The following ESYT3 variants were observed in gnomAD, a reference collection of about 807,000 sequenced individuals.
ESYT3 encodes extended synaptotagmin 3, also known as extended synaptotagmin-3.
ESYT3 carries 101 observed loss-of-function variants against 111.5 expected under a neutral mutation model. The ratio of observed to expected loss-of-function variants is 0.91; its 90% CI spans 0.77 to 1.07. ESYT3 has a LOEUF of 1.07. Ranked by LOEUF, ESYT3 falls within the 50% of genes least tolerant of loss-of-function variation. ESYT3 has a pLI of 0.00. For synonymous variants in ESYT3, 416 were observed against 446.8 expected (o/e 0.93, Z 0.87); for missense variants, 1,097 against 1,109.4 (o/e 0.99, Z 0.16).
At chr3:138,469,972 C>A in intron 15 of ESYT3, 88 bp from the exon 16 acceptor site, 2 of 1,134,468 alleles carry the variant, frequency 1.8e-6, no homozygotes, top group South Asian at 1.4e-5. Context: ...CCCAATGGTA[C>A]CTGGTGGCCA....
At chr3:138,461,940 C>T in intron 7 of ESYT3, 146 bp from the exon 8 acceptor site, 1 of 1,142,988 alleles carries the variant, frequency 8.7e-7, no homozygotes, top group Non-Finnish European at 1.3e-6. Flanking sequence ...ACACCCACCC[C>T]TACCCAGGCA....
At chr3:138,466,176 A>T (rs150931130) in intron 10 of ESYT3, among the ~76,000 whole-genome samples, 241 of 152,282 alleles carry the variant, frequency 1.6e-3, no homozygotes, top group African/African-American at 5.4e-3. Context: ...AGGAACCTTG[A>T]ATGCGTATTT....
At chr3:138,449,848 C>G (rs1560217833) in intron 1 of ESYT3, among the ~76,000 whole-genome samples, 1 of 152,226 alleles carries the variant, frequency 6.6e-6, no homozygotes, top group African/African-American at 2.4e-5. Flanking sequence ...ATGCTTCATT[C>G]ATTCATTCCA....
At chr3:138,460,293 A>C (rs1216053319) in intron 6 of ESYT3, among the ~76,000 whole-genome samples, 2 of 152,222 alleles carry the variant, frequency 1.3e-5, no homozygotes, top group Non-Finnish European at 2.9e-5. Flanking sequence ...AGAGCTTTCA[A>C]AGTCCAGGCC....
intron 1 of ESYT3, among the ~76,000 whole-genome samples, chr3:138,438,417 C>G (rs1401658056): frequency 1.3e-5 from 2 of 152,154 alleles, no homozygotes; most frequent in African/African-American, 4.8e-5. Context: ...TGCTGCTTGT[C>G]AAGCTGTATG....
In ESYT3 at chr3:138,435,936, A is replaced by T. The variant is rs1466666795; in HGVS notation, c.327+811A>T. The stretch of plus-strand genomic sequence containing the variant: ...CCGTCCAATGGTTGGTCTGCGGCAA[A>T]CCCTTACTGTCTCTCCGGTGCTGGG... On this transcript the variant is annotated intron_variant, in intron 1 of 22. Coordinates refer to ENST00000389567, the MANE Select transcript of ESYT3 (RefSeq NM_031913.5). This position sits in a 1 kb window ranked among gnomAD's most constrained non-coding sequence, Gnocchi z 4.8. Among the ~76,000 whole-genome samples, 2 of 151,820 alleles carry T rather than the reference A, an allele frequency of 1.3e-5. No homozygotes were observed. Among genetic ancestry groups the T allele is most frequent in the African/African-American group, 4.8e-5 (2 of 41,312 alleles).
At chr3:138,441,730 AT>A (rs1204252261) in intron 1 of ESYT3, among the ~76,000 whole-genome samples, 1 of 151,864 alleles carries the variant, frequency 6.6e-6, no homozygotes, top group East Asian at 1.9e-4. Flanking sequence ...GAGGCAAGTG[AT>A]TTCCTTTTCC....
In ESYT3 at chr3:138,464,342, C is replaced by T; in HGVS notation, c.916-3C>T. 1.9e-6 allele frequency: 3 copies of T among 1,613,800 alleles called. No individual in the cohort carries two copies. Among genetic ancestry groups the T allele is most frequent in the Non-Finnish European group, 1.7e-6 (2 of 1,179,830 alleles). On this transcript the variant is annotated splice_region_variant and splice_polypyrimidine_tract_variant and intron_variant, in intron 8 of 22. Transcript: ENST00000389567. ...GTGAGCCCTGGGCTTGGACATTTTC[C>T]AGGGGGTGATCAGAGTGCACTTGCT... is the stretch of plus-strand genomic sequence containing the variant.
chr3:138,474,501 G>C (rs78238293), intron 20 of ESYT3, 149 bp downstream of exon 20: 1 of 836,476 alleles, frequency 1.2e-6, no homozygotes. Flanking sequence ...GCTTCTGTAC[G>C]TTAGTGGGGA....
At position 138,472,381 on chromosome 3, in the gene ESYT3, C is replaced by G; in HGVS notation, c.1759C>G (p.Arg587Gly). The part of the protein sequence containing the change: ...LVLRFLQVEE[R>G]ELGSPYTGPE... ...CTTGCAGTTCCTGCAAGTGGAGGAA[C>G]GAGAGCTGGGGAGCCCATACACAGG... Residue 587 changes from arginine to glycine, a missense_variant, in exon 18 of 23, where the codon CGA becomes GGA. Arg to Gly is a moderately radical substitution (Grantham distance 125). Coordinates refer to ENST00000389567, the MANE Select transcript of ESYT3 (RefSeq NM_031913.5). The G allele has an allele frequency of 6.2e-7, 1 of 1,613,518 alleles. No homozygotes were observed. The highest frequency in any genetic ancestry group is 2.2e-5 in the East Asian group (1 of 44,862).
chr3:138,435,080 C>G lies in ESYT3; in HGVS notation c.282C>G (p.Arg94=), dbSNP rs368781302. 1 of 1,593,188 alleles carries G rather than the reference C, an allele frequency of 6.3e-7. No individual in the cohort carries two copies. Among genetic ancestry groups the G allele is most frequent in the African/African-American group, 1.3e-5 (1 of 74,920 alleles). Residue 94 remains arginine (R), a synonymous_variant, in exon 1 of 23, where the codon CGC becomes CGG. Transcript: ENST00000389567. This position sits in a 1 kb window ranked among gnomAD's most constrained non-coding sequence, Gnocchi z 4.8. The part of the protein sequence containing the change: ...AAAFEFLDNE[R]EFISRELRGQ... ...CCTTCGAATTCCTTGACAATGAACG[C>G]GAGTTCATCAGCCGCGAGCTGCGGG... is the stretch of plus-strand genomic sequence containing the variant.
At chr3:138,470,354 A>C in intron 16 of ESYT3, 3 of 1,271,336 alleles carry the variant, frequency 2.4e-6, no homozygotes, top group Non-Finnish European at 3.0e-6. Context: ...TGGGAGGATA[A>C]ATCCTCAAGT....
chr3:138,467,992 G>T, intron 11 of ESYT3, 113 bp from the exon 12 acceptor site: 1 of 878,826 alleles, frequency 1.1e-6, no homozygotes, highest in South Asian at 1.6e-5. Context: ...CCCATACTAG[G>T]ACAGGTTTCC....
chr3:138,476,527 T>C (rs145646721), intron 22 of ESYT3, 35 bp downstream of exon 22: 1 of 1,603,474 alleles, frequency 6.2e-7, no homozygotes, highest in Non-Finnish European at 8.5e-7. Flanking sequence ...ACTGTTATCC[T>C]GCTATTCAAG....
At chr3:138,438,950 A>G (rs2030935154) in intron 1 of ESYT3, among the ~76,000 whole-genome samples, 3 of 152,222 alleles carry the variant, frequency 2.0e-5, no homozygotes, top group African/African-American at 7.2e-5. Flanking sequence ...CTGCATGTTT[A>G]CATGCGGATG....
chr3:138,450,519 A>G (rs910589462), intron 1 of ESYT3, among the ~76,000 whole-genome samples: 1 of 152,164 alleles, frequency 6.6e-6, no homozygotes, highest in African/African-American at 2.4e-5. Context: ...GGGAATATAA[A>G]CTTTTCTGAG....
chr3:138,468,730 A>G lies in ESYT3; in HGVS notation c.1371+13A>G, dbSNP rs1246578044. Reference sequence around the variant, plus strand: ...CTGCAACTTGCCGGTGAGTGGCGACATGTCCAGAGTGTCACACAAACGCAA... The same window carrying G: ...CTGCAACTTGCCGGTGAGTGGCGACGTGTCCAGAGTGTCACACAAACGCAA... On this transcript the variant is annotated intron_variant, in intron 13 of 22. Coordinates refer to ENST00000389567, the MANE Select transcript of ESYT3 (RefSeq NM_031913.5). 7 of 1,614,014 alleles carry G rather than the reference A, an allele frequency of 4.3e-6. No homozygotes were observed. Among genetic ancestry groups the G allele is most frequent in the Non-Finnish European group, 5.9e-6 (7 of 1,180,016 alleles).
chr3:138,454,765 G>A (rs1362563440), intron 2 of ESYT3, among the ~76,000 whole-genome samples: 1 of 152,182 alleles, frequency 6.6e-6, no homozygotes, highest in African/African-American at 2.4e-5. Flanking sequence ...CTGATTGCTA[G>A]AAAATGAAAT....
At chr3:138,468,023 G>A (rs1290788108) in intron 11 of ESYT3, 82 bp from the exon 12 acceptor site, 6 of 1,279,920 alleles carry the variant, frequency 4.7e-6, no homozygotes, top group Non-Finnish European at 6.8e-6. Flanking sequence ...TAGGATGCCA[G>A]GTCTCAGGAC....
Sources: allele counts gnomAD v4.1 joint callset (sites outside exome capture counted in the v4.1 genomes callset), GRCh38; gene constraint gnomAD v4.1.1; non-coding constraint Gnocchi (gnomAD v3.1); transcripts MANE v1.5; gene names NCBI Gene and HGNC (gene_info 2026-07-23, HGNC 2026-07-21).